The following TPP2 variants were observed in gnomAD, a reference collection of about 807,000 sequenced individuals.
The protein encoded by TPP2 is tripeptidyl peptidase 2.
In TPP2, 34 loss-of-function variants were observed where a neutral mutation model predicts 155.9. The ratio of observed to expected loss-of-function variants is 0.22; its 90% CI spans 0.17 to 0.29. The LOEUF (loss-of-function observed/expected upper bound fraction) is 0.29, where lower values mean the gene tolerates loss of function less well. Ranked by LOEUF, TPP2 falls within the 10% of genes least tolerant of loss-of-function variation. TPP2 has a pLI of 1.00. For missense variants in TPP2, 1,028 were observed against 1,522.3 expected, an observed-to-expected ratio of 0.68 and a Z score of 5.40; for synonymous variants, 510 against 529.4, an observed-to-expected ratio of 0.96 and a Z score of 0.50.
intron 12 of TPP2, 36 bp from the exon 13 acceptor site, chr13:102,636,188 C>A: frequency 6.5e-7 from 1 of 1,527,044 alleles, no homozygotes. Flanking sequence ...TTTGACCCAA[C>A]CATTTATATC....
At position 102,634,084 on chromosome 13, in the gene TPP2, C is replaced by T; in HGVS notation, c.1379C>T (p.Ala460Val). 1 of 1,614,054 alleles carries T rather than the reference C, an allele frequency of 6.2e-7. No individual in the cohort carries two copies. Among genetic ancestry groups the T allele is most frequent in the South Asian group, 1.1e-5 (1 of 91,084 alleles). Residue 460 changes from alanine (A) to valine (V), a missense_variant, in exon 11 of 30, where the codon GCC (alanine) becomes GTC (valine). Ala to Val is a moderately conservative substitution (Grantham distance 64). Transcript: ENST00000376052. ...TCCCCCAATGCATGTGGAGGCATTG[C>T]CCTGATCCTTTCAGGTAAGCGTGTT... ...MSSPNACGGI[A>V]LILSGLKANN...
intron 8 of TPP2, among the ~76,000 whole-genome samples, chr13:102,628,705 A>G (rs1881815142): frequency 6.6e-6 from 1 of 152,052 alleles, no homozygotes; most frequent in Non-Finnish European, 1.5e-5. Context: ...TCCCATCACC[A>G]AGCTATCATC....
chr13:102,599,665 G>A (rs1879278348), intron 1 of TPP2, among the ~76,000 whole-genome samples: 1 of 152,176 alleles, frequency 6.6e-6, no homozygotes, highest in South Asian at 2.1e-4. Context: ...TGGAGGATGG[G>A]TGGCATGAGA....
At chr13:102,657,349 CTT>C (rs1011827795) in intron 25 of TPP2, 142 bp downstream of exon 25, 59 of 377,708 alleles carry the variant, frequency 1.6e-4, no homozygotes, top group African/African-American at 1.1e-3. Flanking sequence ...AAATTTTCCT[CTT>C]TTTATATAAA....
In TPP2 at chr13:102,647,339, C is replaced by T; in HGVS notation, c.2623C>T (p.His875Tyr). Residue 875 changes from histidine to tyrosine, a missense_variant, in exon 21 of 30, where the codon CAT becomes TAT. This residue lies in a region of TPP2 where 179 missense variants were observed against 274.7 expected (regional missense o/e 0.65). Coordinates refer to ENST00000376052, the MANE Select transcript of TPP2 (RefSeq NM_001330588.2). ...GATGGGTTCAGGCGATGCCTATCCACATCAGGTATAAAATTGATGGTGATT... is the reference window on the plus strand; with the variant it reads ...GATGGGTTCAGGCGATGCCTATCCATATCAGGTATAAAATTGATGGTGATT... ...RQMGSGDAYP[H>Y]QYSLKLEKGD... The T allele has an allele frequency of 2.5e-6, 4 of 1,610,122 alleles. No homozygotes were observed. The highest frequency in any genetic ancestry group is 3.4e-6 in the Non-Finnish European group (4 of 1,179,038).
At chr13:102,654,821 G>A in intron 24 of TPP2, 1 of 400,734 alleles carries the variant, frequency 2.5e-6, no homozygotes, top group South Asian at 1.8e-5. Flanking sequence ...CACTGATGCA[G>A]TCTGTTTCCA....
chr13:102,634,091 C>A lies in TPP2; in HGVS notation c.1386C>A (p.Ile462=). 6.2e-7 allele frequency: 1 copy of A among 1,614,030 alleles called. No homozygotes were observed. The highest frequency in any genetic ancestry group is 8.5e-7 in the Non-Finnish European group (1 of 1,179,930). ...ATGCATGTGGAGGCATTGCCCTGATCCTTTCAGGTAAGCGTGTTCTTTATT... is the reference window on the plus strand; with the variant it reads ...ATGCATGTGGAGGCATTGCCCTGATACTTTCAGGTAAGCGTGTTCTTTATT... ...SPNACGGIAL[I]LSGLKANNID... The change falls in exon 11 of 30, where the codon ATC becomes ATA. Residue 462 remains isoleucine, a synonymous_variant. Coordinates refer to ENST00000376052, the MANE Select transcript of TPP2 (RefSeq NM_001330588.2).
At chr13:102,670,245 T>C (rs603929) in intron 27 of TPP2, among the ~76,000 whole-genome samples, 101,013 of 151,880 alleles carry the variant, frequency 0.67, 33,805 homozygotes, top group Middle Eastern at 0.7. Context: ...AGTAGTTTAT[T>C]GGCAGGAAGG....
intron 5 of TPP2, among the ~76,000 whole-genome samples, chr13:102,621,708 G>A (rs560173544): frequency 2.0e-5 from 3 of 152,150 alleles, no homozygotes; most frequent in Non-Finnish European, 2.9e-5. Flanking sequence ...AGGCAACAGC[G>A]GTAAGGAAGA....
At chr13:102,662,433 TAA>T (rs759683899) in intron 25 of TPP2, among the ~76,000 whole-genome samples, 23 of 152,200 alleles carry the variant, frequency 1.5e-4, no homozygotes, top group African/African-American at 4.6e-4. Flanking sequence ...GTTGTTTACC[TAA>T]TAGGTGTTTT....
At chr13:102,642,725 G>A (rs1051335924) in intron 16 of TPP2, among the ~76,000 whole-genome samples, 2 of 152,188 alleles carry the variant, frequency 1.3e-5, no homozygotes, top group Non-Finnish European at 2.9e-5. Context: ...TTAAGCATAA[G>A]TAGTCGTGCC....
intron 18 of TPP2, 106 bp downstream of exon 18, chr13:102,644,779 G>C: frequency 1.4e-6 from 2 of 1,407,982 alleles, no homozygotes; most frequent in Non-Finnish European, 2.0e-6. Flanking sequence ...ATTACCTGTG[G>C]TTCTGAAGAT....
intron 2 of TPP2, among the ~76,000 whole-genome samples, chr13:102,607,297 C>G (rs929110862): frequency 6.6e-6 from 1 of 152,206 alleles, no homozygotes; most frequent in Non-Finnish European, 1.5e-5. Flanking sequence ...CCAGTTGAGC[C>G]TCCCTAATCC....
chr13:102,602,495 C>T (rs1005035446), intron 1 of TPP2, among the ~76,000 whole-genome samples: 1 of 152,078 alleles, frequency 6.6e-6, no homozygotes, highest in African/African-American at 2.4e-5. Flanking sequence ...ATGAAAATAA[C>T]AGCTGTGCCT....
intron 25 of TPP2, among the ~76,000 whole-genome samples, chr13:102,658,740 C>A (rs1566364328): frequency 1.4e-5 from 2 of 146,364 alleles, no homozygotes; most frequent in South Asian, 4.3e-4. Flanking sequence ...TCAGATCTTG[C>A]CTTCAAGAGC....
intron 6 of TPP2, among the ~76,000 whole-genome samples, chr13:102,623,613 G>A (rs1318086566): frequency 3.9e-5 from 6 of 152,126 alleles, no homozygotes; most frequent in Admixed American, 2.6e-4. Context: ...ATTTTGCCTC[G>A]AAATCTTAAC....
intron 2 of TPP2, among the ~76,000 whole-genome samples, chr13:102,611,378 T>C (rs1044084192): frequency 6.6e-6 from 1 of 152,202 alleles, no homozygotes; most frequent in Non-Finnish European, 1.5e-5. Flanking sequence ...AGTGTCTGTA[T>C]TAAAGGACAT....
intron 27 of TPP2, among the ~76,000 whole-genome samples, chr13:102,665,306 A>G (rs1276786981): frequency 6.6e-6 from 1 of 152,202 alleles, no homozygotes; most frequent in Admixed American, 6.5e-5. Context: ...AAAACCTAAT[A>G]TTTGGTTTGT....
chr13:102,647,173 A>G (rs201807513), intron 20 of TPP2, 34 bp from the exon 21 acceptor site: 26 of 1,560,802 alleles, frequency 1.7e-5, no homozygotes, highest in Non-Finnish European at 2.1e-5. Context: ...TTATATGCAA[A>G]TCATGCCAAG....
Sources: allele counts gnomAD v4.1 joint callset (sites outside exome capture counted in the v4.1 genomes callset), GRCh38; gene constraint gnomAD v4.1.1; regional missense constraint gnomAD v4.1.1; transcripts MANE v1.5; gene names NCBI Gene and HGNC (gene_info 2026-07-23, HGNC 2026-07-21).